The following AKAP13 variants were observed in gnomAD, a reference collection of about 807,000 sequenced individuals.
AKAP13 encodes the protein A-kinase anchoring protein 13.
In AKAP13, 80 loss-of-function variants were observed where a neutral mutation model predicts 264.5. That is an observed-to-expected ratio of 0.30 (90% CI 0.25 to 0.36). The LOEUF (loss-of-function observed/expected upper bound fraction) is 0.36, where lower values mean the gene tolerates loss of function less well. Among genes scored for constraint, AKAP13 ranks in the 10% least tolerant of loss-of-function variants. The probability of loss-of-function intolerance (pLI) is 1.00; values close to 1 mark genes in which losing one functional copy is unlikely to be tolerated. For synonymous variants in AKAP13, 1,380 were observed against 1,250.2 expected (o/e 1.10, Z -2.19); for missense variants, 3,712 against 3,435.2 (o/e 1.08, Z -2.01).
rs2071917438 is a variant in AKAP13, at chr15:85,410,664, C to G, written c.-12+29866C>G. On this transcript the variant is annotated intron_variant, in intron 1 of 36. Transcript: ENST00000394518. ...GACTCTCAGATTTACCATCTGTCAC[C>G]TGGACGTGCTTGTGCTGTGCTCTCT... 3.3e-5 allele frequency among the ~76,000 whole-genome samples: 5 copies of G among 151,606 alleles called. No individual in the cohort carries two copies. In the Middle Eastern group the frequency reaches 0.017, roughly 516 times the overall value.
chr15:85,631,533 C>T lies in AKAP13; in HGVS notation c.4162-7841C>T, dbSNP rs865962971. Among the ~76,000 whole-genome samples, 7 of 149,250 alleles carry T rather than the reference C, an allele frequency of 4.7e-5. No individual in the cohort carries two copies. The South Asian group carries it at 6.4e-4, about 14-fold the overall frequency. ...ACACACACACACACACACACACACA[C>T]ACACACACACACACACACACTAAAT... On this transcript the variant is annotated intron_variant, in intron 8 of 36. Transcript: ENST00000394518.
chr15:85,481,907 A>G (rs1343815657), intron 1 of AKAP13, among the ~76,000 whole-genome samples: 1 of 152,194 alleles, frequency 6.6e-6, no homozygotes, highest in Non-Finnish European at 1.5e-5. Context: ...CCTTGGTGAA[A>G]TCATTGGATG....
At chr15:85,526,635 A>G (rs905247260) in intron 3 of AKAP13, among the ~76,000 whole-genome samples, 5 of 152,188 alleles carry the variant, frequency 3.3e-5, no homozygotes, top group Non-Finnish European at 4.4e-5. Flanking sequence ...ACCAAATGGA[A>G]TAGCATATTT....
chr15:85,586,499 C>T (rs1343855679), intron 8 of AKAP13, among the ~76,000 whole-genome samples: 1 of 152,084 alleles, frequency 6.6e-6, no homozygotes, highest in Non-Finnish European at 1.5e-5. Context: ...TCATGGCACT[C>T]GGCCTATAAA....
intron 8 of AKAP13, among the ~76,000 whole-genome samples, chr15:85,586,353 T>C (rs2079347009): frequency 6.6e-6 from 1 of 152,090 alleles, no homozygotes; most frequent in East Asian, 1.9e-4. Context: ...ATTACAGGCA[T>C]GCGCCACCAT....
chr15:85,528,644 T>G (rs986762656), intron 3 of AKAP13, among the ~76,000 whole-genome samples: 9 of 152,166 alleles, frequency 5.9e-5, no homozygotes, highest in Admixed American at 5.9e-4. Flanking sequence ...AGTTCAAACC[T>G]AATATTTTCT....
intron 1 of AKAP13, among the ~76,000 whole-genome samples, chr15:85,456,350 A>G (rs1364008575): frequency 2.6e-5 from 4 of 152,210 alleles, no homozygotes; most frequent in East Asian, 1.9e-4. Flanking sequence ...ATGAAAATCA[A>G]TCCTGACTTC....
intron 3 of AKAP13, among the ~76,000 whole-genome samples, chr15:85,530,142 T>C (rs2077200840): frequency 1.3e-5 from 2 of 152,202 alleles, no homozygotes; most frequent in South Asian, 4.1e-4. Context: ...GAGATAAGCA[T>C]ACTGTTGTTG....
chr15:85,502,606 T>G (rs2076065830), intron 2 of AKAP13, among the ~76,000 whole-genome samples: 1 of 152,186 alleles, frequency 6.6e-6, no homozygotes, highest in Admixed American at 6.5e-5. Context: ...AATACGTGTT[T>G]TTGTGAAATG....
At chr15:85,642,902 C>T (rs1456146941) in intron 9 of AKAP13, among the ~76,000 whole-genome samples, 1 of 151,946 alleles carries the variant, frequency 6.6e-6, no homozygotes, top group African/African-American at 2.4e-5. Flanking sequence ...TTGGCCAGCC[C>T]CCATATTTTT....
chr15:85,646,633 C>A (rs2082572663), intron 10 of AKAP13, among the ~76,000 whole-genome samples: 1 of 152,148 alleles, frequency 6.6e-6, no homozygotes, highest in South Asian at 2.1e-4. Context: ...TATTTATAAA[C>A]CAGCTGTAGA....
intron 8 of AKAP13, among the ~76,000 whole-genome samples, chr15:85,593,754 G>A (rs1192302928): frequency 6.6e-6 from 1 of 151,666 alleles, no homozygotes. Flanking sequence ...AACTGTATCT[G>A]AGTCTTACCA....
chr15:85,734,347 C>T (rs1011043510), intron 30 of AKAP13, among the ~76,000 whole-genome samples: 2 of 152,200 alleles, frequency 1.3e-5, no homozygotes, highest in Admixed American at 6.5e-5. Context: ...TAGCTTTTCT[C>T]ACACCATAGG....
chr15:85,646,175 G>A (rs2082551151), intron 10 of AKAP13, among the ~76,000 whole-genome samples: 1 of 152,120 alleles, frequency 6.6e-6, no homozygotes, highest in Non-Finnish European at 1.5e-5. Flanking sequence ...GATTACCAGG[G>A]TTTAGAAAAA....
intron 2 of AKAP13, among the ~76,000 whole-genome samples, chr15:85,488,594 T>C (rs2075636355): frequency 6.6e-6 from 1 of 152,204 alleles, no homozygotes; most frequent in African/African-American, 2.4e-5. Flanking sequence ...TTCTGAAATA[T>C]CTGAGCTTCC....
chr15:85,482,342 T>G (rs951179927), intron 1 of AKAP13, among the ~76,000 whole-genome samples: 1 of 152,264 alleles, frequency 6.6e-6, no homozygotes, highest in African/African-American at 2.4e-5. Flanking sequence ...ATAGAATTTG[T>G]TACTGTGTGA....
chr15:85,434,858 A>T (rs1270581239), intron 1 of AKAP13, among the ~76,000 whole-genome samples: 1 of 148,746 alleles, frequency 6.7e-6, no homozygotes, highest in African/African-American at 2.5e-5. Flanking sequence ...AGATAAAACC[A>T]CAAAGATGGG....
chr15:85,618,034 G>T (rs2081018756), intron 8 of AKAP13, among the ~76,000 whole-genome samples: 1 of 152,230 alleles, frequency 6.6e-6, no homozygotes, highest in African/African-American at 2.4e-5. Flanking sequence ...ACGAGAAGGG[G>T]AGGGGTTGTC....
chr15:85,631,502 T>TCTCACACACACA (rs1372440393), intron 8 of AKAP13, among the ~76,000 whole-genome samples: 4 of 140,958 alleles, frequency 2.8e-5, no homozygotes, highest in African/African-American at 5.4e-5. Context: ...TCTCTCTCTC[T>TCTCACACACACA]CACACACACA....
Sources: gnomAD v4.1 joint callset for allele counts (sites outside exome capture counted in the v4.1 genomes callset) on GRCh38, gnomAD v4.1.1 for gene constraint, MANE v1.5 for transcripts, NCBI Gene and HGNC (gene_info 2026-07-23, HGNC 2026-07-21) for gene names.